Variants in NRG3 observed in about 807,000 individuals in gnomAD.
NRG3 encodes the protein pro-neuregulin-3, membrane-bound isoform.
A neutral mutation model predicts 66.9 loss-of-function variants in NRG3; 31 were observed. The ratio of observed to expected loss-of-function variants is 0.46; its 90% confidence interval spans 0.35 to 0.63. NRG3 has a LOEUF of 0.63. Among genes scored for constraint, NRG3 ranks in the 20% least tolerant of loss-of-function variants. The pLI is 0.00. For synonymous variants in NRG3, 393 were observed against 359.4 expected, an observed-to-expected ratio of 1.09 and a Z score of -1.06; for missense variants, 910 against 878.9, an observed-to-expected ratio of 1.04 and a Z score of -0.45.
intron 1 of NRG3, among the ~76,000 whole-genome samples, chr10:82,097,956 A>G (rs2066459491): frequency 6.6e-6 from 1 of 151,816 alleles, no homozygotes; most frequent in African/African-American, 2.4e-5. Context: ...TTGTTTCCTT[A>G]TCATTTCATT....
intron 2 of NRG3, among the ~76,000 whole-genome samples, chr10:82,548,982 C>T (rs1310247022): frequency 2.0e-5 from 3 of 152,092 alleles, no homozygotes; most frequent in Admixed American, 1.3e-4. Flanking sequence ...GAGTGCAAGA[C>T]AAAGCCCTCA....
At chr10:82,161,783 G>A (rs2071621820) in intron 1 of NRG3, among the ~76,000 whole-genome samples, 1 of 152,006 alleles carries the variant, frequency 6.6e-6, no homozygotes, top group South Asian at 2.1e-4. Context: ...GATATCAACT[G>A]CAATTACCCC....
chr10:82,135,225 A>C (rs1477838244), intron 1 of NRG3, among the ~76,000 whole-genome samples: 1 of 150,944 alleles, frequency 6.6e-6, no homozygotes, highest in East Asian at 1.9e-4. Context: ...CTAAAGCTTC[A>C]TTGTATGTTA....
chr10:82,632,283 A>T (rs532558316), intron 2 of NRG3, among the ~76,000 whole-genome samples: 1 of 152,146 alleles, frequency 6.6e-6, no homozygotes, highest in Admixed American at 6.6e-5. Context: ...ACTCTGGGCT[A>T]CTATTTCATA....
chr10:82,892,815 A>G (rs1021424071), intron 4 of NRG3, among the ~76,000 whole-genome samples: 16 of 152,040 alleles, frequency 1.1e-4, no homozygotes, highest in African/African-American at 3.6e-4. Context: ...ATCACATAAT[A>G]TAAAATTAAG....
At chr10:82,469,547 CGTACA>C (rs1337393618) in intron 2 of NRG3, among the ~76,000 whole-genome samples, 3 of 152,092 alleles carry the variant, frequency 2.0e-5, no homozygotes, top group African/African-American at 7.2e-5. Flanking sequence ...CTGACAAAGA[CGTACA>C]GTTCAGGGAG....
chr10:82,070,446 T>C (rs2064743157), intron 1 of NRG3, among the ~76,000 whole-genome samples: 1 of 152,222 alleles, frequency 6.6e-6, no homozygotes, highest in Admixed American at 6.5e-5. Context: ...AAATTTTATC[T>C]TTCCTTGAGG....
chr10:82,860,719 A>G lies in NRG3; in HGVS notation c.1028-4692A>G, dbSNP rs553644174. ...TTACAAATAAAAATTTTGGAGTGTT[A>G]AAAGGAAGGAAGTTATATGTTCAAA... On this transcript the variant is annotated intron_variant, in intron 3 of 8. Transcript: ENST00000372141. Among the ~76,000 whole-genome samples the G allele has an allele frequency of 9.8e-5, 15 of 152,348 alleles. No individual in the cohort carries two copies. In the South Asian group the frequency reaches 2.5e-3, roughly 25 times the overall value.
At chr10:82,726,474 T>C (rs2057607095) in intron 2 of NRG3, among the ~76,000 whole-genome samples, 1 of 152,076 alleles carries the variant, frequency 6.6e-6, no homozygotes, top group South Asian at 2.1e-4. Flanking sequence ...GATCTGATGG[T>C]TTTATAAATG....
intron 2 of NRG3, among the ~76,000 whole-genome samples, chr10:82,568,842 A>G (rs1163188534): frequency 6.6e-6 from 1 of 151,602 alleles, no homozygotes; most frequent in Non-Finnish European, 1.5e-5. Flanking sequence ...ATACTGCTTC[A>G]CTTCATTTTA....
intron 2 of NRG3, among the ~76,000 whole-genome samples, chr10:82,698,437 CCAAAAGATTAAATAATA>C (rs1363370675): frequency 1.3e-5 from 2 of 152,036 alleles, no homozygotes; most frequent in Admixed American, 6.6e-5. Flanking sequence ...TTTAAATAAT[CCAAAAGATTAAATAATA>C]CCATGATAAA....
chr10:82,812,733 A>G (rs113452888), intron 3 of NRG3, among the ~76,000 whole-genome samples: 6,609 of 152,272 alleles, frequency 0.043, 200 homozygotes, highest in Middle Eastern at 0.095. Context: ...ATATTGAGAA[A>G]CCTGGCTTAT....
chr10:82,096,079 C>A (rs2066322310), intron 1 of NRG3, among the ~76,000 whole-genome samples: 1 of 152,132 alleles, frequency 6.6e-6, no homozygotes, highest in Non-Finnish European at 1.5e-5. Flanking sequence ...GCAATTCGAG[C>A]CAGTAGGTAG....
intron 2 of NRG3, among the ~76,000 whole-genome samples, chr10:82,436,548 A>T (rs1225950637): frequency 6.6e-6 from 1 of 152,102 alleles, no homozygotes; most frequent in East Asian, 1.9e-4. Context: ...TAAGGTTAGT[A>T]CTGTTATGTG....
chr10:82,879,467 C>CTTTTTTTTT (rs201614818), intron 4 of NRG3, among the ~76,000 whole-genome samples: 1 of 121,856 alleles, frequency 8.2e-6, no homozygotes, highest in Non-Finnish European at 1.7e-5. Context: ...CTAATGAAGA[C>CTTTTTTTTT]TTTTTTTTTT....
intron 1 of NRG3, among the ~76,000 whole-genome samples, chr10:82,020,083 A>C (rs7094054): frequency 0.57 from 86,961 of 151,840 alleles, 24,871 homozygotes; most frequent in South Asian, 0.66. Flanking sequence ...TTACTGCTAT[A>C]AATTTCTAAA....
At chr10:82,932,299 A>G (rs958097722) in intron 4 of NRG3, among the ~76,000 whole-genome samples, 1 of 152,208 alleles carries the variant, frequency 6.6e-6, no homozygotes, top group Non-Finnish European at 1.5e-5. Flanking sequence ...AATGTCTCTA[A>G]CAGCAACAAT....
chr10:82,199,873 CATGTGT>C (rs1404231322), intron 1 of NRG3, among the ~76,000 whole-genome samples: 2 of 109,466 alleles, frequency 1.8e-5, no homozygotes, highest in African/African-American at 6.9e-5. Context: ...TGAGAGTGTG[CATGTGT>C]GTGTGTGTGC....
At chr10:82,453,490 A>G (rs2136613541) in intron 2 of NRG3, among the ~76,000 whole-genome samples, 1 of 152,250 alleles carries the variant, frequency 6.6e-6, no homozygotes, top group African/African-American at 2.4e-5. Context: ...GTCTGTAACC[A>G]TTGCATTAAT....
Sources: gnomAD v4.1 joint callset for allele counts (sites outside exome capture counted in the v4.1 genomes callset) on GRCh38, gnomAD v4.1.1 for gene constraint, MANE v1.5 for transcripts, NCBI Gene and HGNC (gene_info 2026-07-23, HGNC 2026-07-21) for gene names.